NCKAP5: variants seen among roughly 807,000 people sequenced by gnomAD.
The protein encoded by NCKAP5 is NCK associated protein 5, also known as nck-associated protein 5.
A neutral mutation model predicts 167.0 loss-of-function variants in NCKAP5; 92 were observed. That is an observed-to-expected ratio of 0.55 (90% CI 0.47 to 0.66). NCKAP5 has a LOEUF of 0.66. Among genes scored for constraint, NCKAP5 ranks in the 30% least tolerant of loss-of-function variants. The pLI is 0.00. For synonymous variants in NCKAP5, 891 were observed against 877.4 expected (o/e 1.02, Z -0.27); for missense variants, 2,378 against 2,315.0 (o/e 1.03, Z -0.56).
intron 6 of NCKAP5, among the ~76,000 whole-genome samples, chr2:133,069,221 T>C (rs753341780): frequency 6.6e-6 from 1 of 152,114 alleles, no homozygotes; most frequent in East Asian, 1.9e-4. Context: ...GAAAATAAAA[T>C]CCCTTCCAGC....
At chr2:133,497,599 A>G (rs185412374) in intron 3 of NCKAP5, among the ~76,000 whole-genome samples, 175 of 152,286 alleles carry the variant, frequency 1.1e-3, no homozygotes, top group African/African-American at 4.0e-3. Flanking sequence ...ATGGCTTCTC[A>G]CTAATCGCCT....
intron 3 of NCKAP5, among the ~76,000 whole-genome samples, chr2:133,472,399 A>G (rs1039108917): frequency 6.6e-6 from 1 of 152,052 alleles, no homozygotes; most frequent in Non-Finnish European, 1.5e-5. Context: ...GATGCTTTTC[A>G]TTTAATTATA....
At chr2:133,399,899 A>C (rs905912168) in intron 3 of NCKAP5, among the ~76,000 whole-genome samples, 2 of 152,186 alleles carry the variant, frequency 1.3e-5, no homozygotes, top group East Asian at 3.9e-4. Flanking sequence ...CAAACAGAAA[A>C]GTTCCATTGA....
intron 5 of NCKAP5, among the ~76,000 whole-genome samples, chr2:133,147,124 G>T (rs1032192272): frequency 6.6e-6 from 1 of 152,114 alleles, no homozygotes; most frequent in Non-Finnish European, 1.5e-5. Context: ...CCACCAAGTG[G>T]ACGGACAAAC....
chr2:133,525,969 G>A (rs1458768039), intron 2 of NCKAP5, among the ~76,000 whole-genome samples: 2 of 151,934 alleles, frequency 1.3e-5, no homozygotes, highest in South Asian at 2.1e-4. Flanking sequence ...CCTTAACAAC[G>A]TAACTCTGGG....
At chr2:133,265,659 G>C (rs1015231807) in intron 4 of NCKAP5, among the ~76,000 whole-genome samples, 1 of 152,042 alleles carries the variant, frequency 6.6e-6, no homozygotes, top group Non-Finnish European at 1.5e-5. Context: ...GTGGCCTGCA[G>C]CTGGGCAGAC....
chr2:133,602,250 C>G, the NCKAP5 span, among the ~76,000 whole-genome samples: 1 of 151,992 alleles, frequency 6.6e-6, no homozygotes, highest in Non-Finnish European at 1.5e-5. Context: ...CATTTGGGGA[C>G]AGCAAAGAAG....
intron 4 of NCKAP5, among the ~76,000 whole-genome samples, chr2:133,262,881 G>A (rs559182218): frequency 4.7e-4 from 72 of 152,286 alleles, no homozygotes; most frequent in Non-Finnish European, 9.4e-4. Context: ...TAATAGGGCC[G>A]CTGATTAGGG....
chr2:132,716,445 A>AGC (rs1689377710), intron 19 of NCKAP5, among the ~76,000 whole-genome samples: 2 of 152,170 alleles, frequency 1.3e-5, no homozygotes, highest in African/African-American at 4.8e-5. Flanking sequence ...AAAGCCTGCT[A>AGC]ATTTGCACAG....
chr2:133,198,937 A>G (rs891041823), intron 5 of NCKAP5, among the ~76,000 whole-genome samples: 14 of 152,164 alleles, frequency 9.2e-5, no homozygotes, highest in Non-Finnish European at 2.9e-5. Context: ...AAAAGAAGTT[A>G]GAGTCCAGAT....
intron 3 of NCKAP5, among the ~76,000 whole-genome samples, chr2:133,505,652 TCA>T (rs912387770): frequency 3.0e-4 from 46 of 152,116 alleles, no homozygotes; most frequent in African/African-American, 1.1e-3. Flanking sequence ...ATGGCCAAAC[TCA>T]CACAGGCAGT....
the NCKAP5 span, among the ~76,000 whole-genome samples, chr2:133,668,691 A>T: frequency 6.6e-6 from 1 of 152,078 alleles, no homozygotes; most frequent in Non-Finnish European, 1.5e-5. Context: ...GTTAAATAAT[A>T]TTCTTTTGTA....
chr2:132,726,202 G>C (rs1690441951), intron 18 of NCKAP5, among the ~76,000 whole-genome samples: 2 of 152,134 alleles, frequency 1.3e-5, no homozygotes, highest in African/African-American at 2.4e-5. Context: ...AATCAACCTT[G>C]GGAACAAAAG....
At chr2:133,368,634 A>T (rs1177248726) in intron 3 of NCKAP5, among the ~76,000 whole-genome samples, 1 of 152,216 alleles carries the variant, frequency 6.6e-6, no homozygotes, top group Non-Finnish European at 1.5e-5. Context: ...CATCCTCTCC[A>T]TTTCTCCAGG....
intron 5 of NCKAP5, among the ~76,000 whole-genome samples, chr2:133,187,799 C>A (rs1559241670): frequency 5.3e-5 from 8 of 151,912 alleles, no homozygotes; most frequent in Admixed American, 5.3e-4. Context: ...AGGATTGCAA[C>A]ACCTGCTTTT....
chr2:133,659,548 A>T, the NCKAP5 span, among the ~76,000 whole-genome samples: 1 of 152,222 alleles, frequency 6.6e-6, no homozygotes, highest in Non-Finnish European at 1.5e-5. Context: ...ACCATCAAGA[A>T]CATGAAAAGA....
the NCKAP5 span, among the ~76,000 whole-genome samples, chr2:133,584,337 G>A: frequency 0.18 from 26,850 of 152,174 alleles, 2,466 homozygotes; most frequent in East Asian, 0.3. Context: ...GACACTGAAA[G>A]GTAATGTATC....
chr2:133,606,674 G>T, the NCKAP5 span, among the ~76,000 whole-genome samples: 1 of 146,282 alleles, frequency 6.8e-6, no homozygotes, highest in African/African-American at 2.6e-5. Flanking sequence ...TTTCCCAGGA[G>T]ATCCTGATGC....
the NCKAP5 span, among the ~76,000 whole-genome samples, chr2:133,598,052 A>G: frequency 5.9e-5 from 9 of 152,210 alleles, no homozygotes; most frequent in Non-Finnish European, 7.3e-5. Context: ...GGAGCCAGAC[A>G]TTGTAAATTG....
Sources: gnomAD v4.1 joint callset for allele counts (sites outside exome capture counted in the v4.1 genomes callset) on GRCh38, gnomAD v4.1.1 for gene constraint, MANE v1.5 for transcripts, NCBI Gene and HGNC (gene_info 2026-07-23, HGNC 2026-07-21) for gene names.